The following KMT5B variants were observed in gnomAD, a reference collection of about 807,000 sequenced individuals.
KMT5B encodes lysine methyltransferase 5B, also known as histone-lysine N-methyltransferase KMT5B.
Under a neutral mutation model 83.2 loss-of-function variants are expected in KMT5B, and 10 were observed. That is an observed-to-expected ratio of 0.12 (90% CI 0.07 to 0.20). KMT5B has a LOEUF of 0.20. Among genes scored for constraint, KMT5B ranks in the 10% least tolerant of loss-of-function variants. The pLI, the probability that KMT5B is intolerant of heterozygous loss-of-function variation, is 1.00. For missense variants in KMT5B, 753 were observed against 1,067.2 expected, an observed-to-expected ratio of 0.71 and a Z score of 4.10; for synonymous variants, 349 against 388.8, an observed-to-expected ratio of 0.90 and a Z score of 1.20.
intron 1 of KMT5B, among the ~76,000 whole-genome samples, chr11:68,207,018 G>A (rs1008075820): frequency 3.3e-5 from 5 of 151,838 alleles, no homozygotes; most frequent in African/African-American, 9.7e-5. Flanking sequence ...TGAGGCGGGC[G>A]GATCACGAGG....
At position 68,175,086 on chromosome 11, in the gene KMT5B, A is replaced by C; in HGVS notation, c.475T>G (p.Ser159Ala). The C allele has an allele frequency of 6.2e-7, 1 of 1,614,076 alleles. No homozygotes were observed. Among genetic ancestry groups the C allele is most frequent in the Non-Finnish European group, 8.5e-7 (1 of 1,179,960 alleles). The change falls in exon 5 of 11, where the codon TCA (serine) becomes GCA (alanine). Residue 159 changes from serine to alanine, a missense_variant. This residue lies in a region of KMT5B where 71 missense variants were observed against 107.0 expected (regional missense o/e 0.66). Coordinates refer to ENST00000304363, the MANE Select transcript of KMT5B (RefSeq NM_017635.5). ...AAATAGTGCCGTGCCCATTCGCCTG[A>C]AGTCAAACATTTGAAGGCTTTCTCC... ...HLEKAFKCLTSGEWARHYFLN... is the reference protein window; with the variant it reads ...HLEKAFKCLTAGEWARHYFLN...
intron 10 of KMT5B, among the ~76,000 whole-genome samples, chr11:68,163,606 A>G (rs1855044300): frequency 1.3e-5 from 2 of 152,228 alleles, no homozygotes; most frequent in Non-Finnish European, 2.9e-5. Context: ...ATGCACAATC[A>G]GCGTGAACTA....
chr11:68,203,690 T>TG (rs146363020), intron 1 of KMT5B, among the ~76,000 whole-genome samples: 1,752 of 152,324 alleles, frequency 0.012, 31 homozygotes, highest in African/African-American at 0.037. Flanking sequence ...CCTTAAAACT[T>TG]GCTCCTATAA....
chr11:68,173,086 G>A (rs1339411799), intron 6 of KMT5B, among the ~76,000 whole-genome samples: 1 of 152,150 alleles, frequency 6.6e-6, no homozygotes, highest in East Asian at 1.9e-4. Flanking sequence ...TATTGCCCAG[G>A]CTGGAGTGCA....
intron 1 of KMT5B, among the ~76,000 whole-genome samples, chr11:68,210,538 G>A (rs1374157522): frequency 6.6e-6 from 1 of 152,202 alleles, no homozygotes; most frequent in African/African-American, 2.4e-5. Flanking sequence ...TGATAGAGCA[G>A]AGAATGGAAT....
chr11:68,207,966 G>A (rs1331841674), intron 1 of KMT5B, among the ~76,000 whole-genome samples: 3 of 150,438 alleles, frequency 2.0e-5, no homozygotes, highest in Non-Finnish European at 3.0e-5. Context: ...AGCCTCCCGA[G>A]TAGCAGGAAT....
At chr11:68,160,840 G>C (rs780355212) in intron 10 of KMT5B, among the ~76,000 whole-genome samples, 1 of 152,174 alleles carries the variant, frequency 6.6e-6, no homozygotes, top group Non-Finnish European at 1.5e-5. Context: ...CCAGCTACTG[G>C]GGAGGCTGAG....
intron 3 of KMT5B, among the ~76,000 whole-genome samples, chr11:68,181,241 A>C (rs1053622003): frequency 6.6e-6 from 1 of 151,906 alleles, no homozygotes; most frequent in Non-Finnish European, 1.5e-5. Context: ...TGCCTGGCTA[A>C]TTTTTGTATT....
At chr11:68,160,108 A>G (rs994803456) in intron 10 of KMT5B, among the ~76,000 whole-genome samples, 1 of 152,254 alleles carries the variant, frequency 6.6e-6, no homozygotes, top group South Asian at 2.1e-4. Context: ...TTTTTAAAAT[A>G]TAAGGATATT....
chr11:68,209,330 G>A (rs1860570043), intron 1 of KMT5B, among the ~76,000 whole-genome samples: 1 of 152,164 alleles, frequency 6.6e-6, no homozygotes, highest in South Asian at 2.1e-4. Context: ...CATGTCCAGG[G>A]AACACTAGAG....
chr11:68,167,662 T>C (rs1407999302), intron 9 of KMT5B, among the ~76,000 whole-genome samples: 1 of 152,124 alleles, frequency 6.6e-6, no homozygotes, highest in Non-Finnish European at 1.5e-5. Flanking sequence ...CTCACTATGT[T>C]GCCCAGGCTG....
intron 1 of KMT5B, among the ~76,000 whole-genome samples, chr11:68,196,072 A>G (rs12802020): frequency 0.2 from 29,839 of 152,080 alleles, 3,411 homozygotes; most frequent in African/African-American, 0.32. Context: ...CAGGAGGATC[A>G]CTTGAGCCCA....
intron 10 of KMT5B, chr11:68,166,408 G>A (rs958501756): frequency 1.5e-5 from 15 of 1,017,412 alleles, no homozygotes; most frequent in African/African-American, 1.7e-5. Flanking sequence ...ACTTTCTGGA[G>A]TAGCCAATAC....
chr11:68,202,642 G>A (rs1016557978), intron 1 of KMT5B, among the ~76,000 whole-genome samples: 9 of 144,238 alleles, frequency 6.2e-5, no homozygotes, highest in Admixed American at 3.7e-4. Context: ...CCTGCCTCCC[G>A]GGTTCAAGCG....
chr11:68,197,541 T>C (rs1032896420), intron 1 of KMT5B, among the ~76,000 whole-genome samples: 6 of 152,120 alleles, frequency 3.9e-5, no homozygotes, highest in African/African-American at 1.2e-4. Context: ...CACCAACAAA[T>C]CACTTTAGTA....
In KMT5B at chr11:68,158,714, T is replaced by C. The variant is rs746122050; in HGVS notation, c.1632A>G (p.Thr544=). ...CTYITRRSVR[T]RTNLKEASDI... ...CAGAGGCCTCCTTCAGATTTGTTCT[T>C]GTCCTCACTGACCGCCGAGTTATGT... The change falls in exon 11 of 11, where the codon ACA becomes ACG. Residue 544 remains threonine (T), a synonymous_variant. Transcript: ENST00000304363. The C allele has an allele frequency of 1.5e-5, 24 of 1,614,126 alleles. No homozygotes were observed. In the South Asian group the frequency reaches 1.6e-4, roughly 11 times the overall value.
At chr11:68,203,961 A>G (rs768065276) in intron 1 of KMT5B, among the ~76,000 whole-genome samples, 27 of 152,320 alleles carry the variant, frequency 1.8e-4, no homozygotes, top group Non-Finnish European at 3.5e-4. Context: ...TGATATTATC[A>G]TTCCTACTTT....
At chr11:68,189,811 CAA>C in intron 2 of KMT5B, 104 bp downstream of exon 2, 1 of 1,198,068 alleles carries the variant, frequency 8.3e-7, no homozygotes, top group Non-Finnish European at 1.1e-6. Context: ...TATGAAAATG[CAA>C]AAAATTATTT....
At chr11:68,198,603 G>A (rs1438406356) in intron 1 of KMT5B, among the ~76,000 whole-genome samples, 1 of 152,148 alleles carries the variant, frequency 6.6e-6, no homozygotes, top group Non-Finnish European at 1.5e-5. Context: ...GGCTCACGTG[G>A]AAATGTCCCC....
Sources: gnomAD v4.1 joint callset for allele counts (sites outside exome capture counted in the v4.1 genomes callset) on GRCh38, gnomAD v4.1.1 for gene constraint, gnomAD v4.1.1 regional missense constraint, MANE v1.5 for transcripts, NCBI Gene and HGNC (gene_info 2026-07-23, HGNC 2026-07-21) for gene names.